UBE2QL1: variants seen among roughly 807,000 people sequenced by gnomAD.
UBE2QL1 encodes ubiquitin conjugating enzyme E2 QL1.
In UBE2QL1, 5 loss-of-function variants were observed where a neutral mutation model predicts 12.6. The ratio of observed to expected loss-of-function variants is 0.40; its 90% CI spans 0.21 to 0.83. The LOEUF is 0.83. UBE2QL1 is among the 40% of genes least tolerant of loss of function. The pLI, the probability that UBE2QL1 is intolerant of heterozygous loss-of-function variation, is 0.37. For missense variants in UBE2QL1, 99 were observed against 222.6 expected (o/e 0.44, Z 3.53); for synonymous variants, 96 against 94.5 (o/e 1.02, Z -0.10).
In UBE2QL1 at chr5:6,494,529, C is replaced by T. The variant is rs2126382225; in HGVS notation, c.*3180C>T. The T allele has an allele frequency of 6.6e-6, 1 of 152,302 alleles. No homozygotes were observed. The highest frequency in any genetic ancestry group is 2.4e-5 in the African/African-American group (1 of 41,566). The allele number at this position is 152,302 out of a possible 1,614,324, so 9.4% of individuals were successfully genotyped here. A position where few individuals can be genotyped will look rare whatever the true frequency, so the allele number is the denominator to read the frequency against. The stretch of plus-strand genomic sequence containing the variant: ...TGGCCAGTCACTCCACCTGCCTGAG[C>T]CTTGGTTTCCTCAGCTGTGAGCTCC... On this transcript the variant is annotated 3_prime_UTR_variant, in exon 2 of 2. Coordinates refer to ENST00000399816, the MANE Select transcript of UBE2QL1 (RefSeq NM_001145161.3).
In UBE2QL1 at chr5:6,453,694, AGTGCACACACAT is replaced by A. The variant is rs1739454746; in HGVS notation, c.354+4459_354+4470del. On this transcript the variant is annotated intron_variant, in intron 1 of 1. Coordinates refer to ENST00000399816, the MANE Select transcript of UBE2QL1 (RefSeq NM_001145161.3). ...CACCATGGTGTCACTGGGAAGCACA[AGTGCACACACAT>A]GTGCACACACACACACACACACACA... Among the ~76,000 whole-genome samples, 18 of 134,520 alleles carry A rather than the reference AGTGCACACACAT, an allele frequency of 1.3e-4. No individual in the cohort carries two copies. The South Asian group carries it at 4.4e-3, about 33-fold the overall frequency. The allele number at this position is 134,520 out of a possible 152,430, so 88.3% of individuals were successfully genotyped here.
rs184095622 is a variant in UBE2QL1 at position 6,470,052 on chromosome 5, C to T, written c.354+20805C>T. On this transcript the variant is annotated intron_variant, in intron 1 of 1. Transcript: ENST00000399816. ...GGCCGCAGTGTTCAGAGCCCAGTGG[C>T]GGCTCTGTTGTGTGGACCAACACTG... 4.4e-4 allele frequency among the ~76,000 whole-genome samples: 67 copies of T among 152,214 alleles called. 1 individual carries two copies. In the East Asian group the frequency reaches 0.013, roughly 29 times the overall value.
chr5:6,450,060 G>A (rs2126314999), intron 1 of UBE2QL1, among the ~76,000 whole-genome samples: 1 of 151,676 alleles, frequency 6.6e-6, no homozygotes, highest in Admixed American at 6.6e-5. Context: ...GTGTGGTTTG[G>A]GCATTCCCTT....
intron 1 of UBE2QL1, among the ~76,000 whole-genome samples, chr5:6,483,393 C>G (rs550565358): frequency 6.6e-6 from 1 of 151,748 alleles, no homozygotes; most frequent in East Asian, 1.9e-4. Flanking sequence ...GAGCCAAGAT[C>G]GTGCCACTGC....
chr5:6,450,822 A>G (rs1184165147), intron 1 of UBE2QL1, among the ~76,000 whole-genome samples: 1 of 152,230 alleles, frequency 6.6e-6, no homozygotes, highest in Non-Finnish European at 1.5e-5. Flanking sequence ...CAACTCTAGA[A>G]AAACATCTTC....
intron 1 of UBE2QL1, among the ~76,000 whole-genome samples, chr5:6,454,130 C>T (rs933694304): frequency 6.6e-6 from 1 of 152,162 alleles, no homozygotes; most frequent in Non-Finnish European, 1.5e-5. Context: ...AGTCCTCCCA[C>T]CTCGGCCTCC....
intron 1 of UBE2QL1, among the ~76,000 whole-genome samples, chr5:6,483,217 C>T (rs1560936032): frequency 6.6e-6 from 1 of 152,168 alleles, no homozygotes; most frequent in Non-Finnish European, 1.5e-5. Flanking sequence ...GGGTGGATCA[C>T]TCAAGGTCAG....
chr5:6,448,945 G>A lies in UBE2QL1; in HGVS notation c.52G>A (p.Glu18Lys). The A allele has an allele frequency of 6.5e-7, 1 of 1,548,102 alleles. No individual in the cohort carries two copies. The highest frequency in any genetic ancestry group is 8.7e-7 in the Non-Finnish European group (1 of 1,145,632). ...CCTTAGCGACCGCTTCATCTCCGTG[G>A]AGCTGGTGGACGAGAGCCTGTTCGA... ...ARLSDRFISV[E>K]LVDESLFDWN... Residue 18 changes from glutamate (E) to lysine (K), a missense_variant, in exon 1 of 2, where the codon GAG becomes AAG. Coordinates refer to ENST00000399816, the MANE Select transcript of UBE2QL1 (RefSeq NM_001145161.3).
chr5:6,459,556 C>T (rs371207412), intron 1 of UBE2QL1, among the ~76,000 whole-genome samples: 4 of 152,192 alleles, frequency 2.6e-5, no homozygotes, highest in African/African-American at 4.8e-5. Flanking sequence ...TAACGTCTTT[C>T]GTTGCACAAA....
chr5:6,471,800 T>C (rs1739918340), intron 1 of UBE2QL1, among the ~76,000 whole-genome samples: 1 of 152,222 alleles, frequency 6.6e-6, no homozygotes, highest in Non-Finnish European at 1.5e-5. Flanking sequence ...AGGATCTTGT[T>C]TTCATTGTAT....
In UBE2QL1 at chr5:6,481,023, A is replaced by C. The variant is rs1181753178; in HGVS notation, c.355-10195A>C. On this transcript the variant is annotated intron_variant, in intron 1 of 1. Coordinates refer to ENST00000399816, the MANE Select transcript of UBE2QL1 (RefSeq NM_001145161.3). This position sits in a 1 kb window ranked among gnomAD's most constrained non-coding sequence, Gnocchi z 4.5. ...TTTTCTTAATGTGTAAAGAGTGCTA[A>C]AAAATAAGGTCAATAGGAGTTTTTA... Among the ~76,000 whole-genome samples the C allele has an allele frequency of 6.6e-6, 1 of 152,154 alleles. No homozygotes were observed. The highest frequency in any genetic ancestry group is 2.4e-5 in the African/African-American group (1 of 41,436).
At chr5:6,475,984 T>C (rs1044121446) in intron 1 of UBE2QL1, among the ~76,000 whole-genome samples, 3 of 152,234 alleles carry the variant, frequency 2.0e-5, no homozygotes, top group African/African-American at 7.2e-5. Context: ...GAATGCTTTA[T>C]GAAATACACT....
intron 1 of UBE2QL1, among the ~76,000 whole-genome samples, chr5:6,466,273 G>A (rs1410921683): frequency 6.6e-6 from 1 of 152,208 alleles, no homozygotes; most frequent in Non-Finnish European, 1.5e-5. Flanking sequence ...GGAGCGAACT[G>A]CTCAGCACTC....
chr5:6,482,537 G>T (rs73038145), intron 1 of UBE2QL1, among the ~76,000 whole-genome samples: 1 of 150,486 alleles, frequency 6.6e-6, no homozygotes, highest in Non-Finnish European at 1.5e-5. Context: ...TCCTCCACTC[G>T]TCTGGGCCCC....
chr5:6,489,468 G>C (rs1220651566), intron 1 of UBE2QL1, among the ~76,000 whole-genome samples: 1 of 151,998 alleles, frequency 6.6e-6, no homozygotes, highest in Non-Finnish European at 1.5e-5. Context: ...AAAGGAAAAG[G>C]TTCTGCTGCC....
At chr5:6,464,811 G>A (rs189964167) in intron 1 of UBE2QL1, among the ~76,000 whole-genome samples, 56 of 152,222 alleles carry the variant, frequency 3.7e-4, no homozygotes, top group African/African-American at 1.3e-3. Flanking sequence ...TTTCTGCTCC[G>A]GGTATTTTAA....
chr5:6,491,445 C>T lies in UBE2QL1; in HGVS notation c.*96C>T. 1 of 1,424,332 alleles carries T rather than the reference C, an allele frequency of 7.0e-7. No homozygotes were observed. The highest frequency in any genetic ancestry group is 1.4e-5 in the African/African-American group (1 of 69,372). 88.2% of individuals were successfully genotyped at this position (1,424,332 alleles called of 1,614,324 possible). A position where few individuals can be genotyped will look rare whatever the true frequency, so the allele number is the denominator to read the frequency against. On this transcript the variant is annotated 3_prime_UTR_variant, in exon 2 of 2. Coordinates refer to ENST00000399816, the MANE Select transcript of UBE2QL1 (RefSeq NM_001145161.3). The stretch of plus-strand genomic sequence containing the variant: ...GCTGTGCATCCTCCACCCGTTTTTA[C>T]TCCAGCCAGAACTGCATCCTGAATG...
chr5:6,451,477 A>C (rs185876147), intron 1 of UBE2QL1, among the ~76,000 whole-genome samples: 175 of 152,340 alleles, frequency 1.1e-3, no homozygotes, highest in African/African-American at 4.1e-3. Context: ...TATTGAAAGT[A>C]ATTATCAACT....
chr5:6,468,936 T>C lies in UBE2QL1; in HGVS notation c.354+19689T>C, dbSNP rs538531144. On this transcript the variant is annotated intron_variant, in intron 1 of 1. Transcript: ENST00000399816. ...AAATTCATTAAAATATCCTCAATTATCACCACCGGTCTGCCACAAGACTTG... is the reference window on the plus strand; with the variant it reads ...AAATTCATTAAAATATCCTCAATTACCACCACCGGTCTGCCACAAGACTTG... Among the ~76,000 whole-genome samples, 56 of 152,298 alleles carry C rather than the reference T, an allele frequency of 3.7e-4. No homozygotes were observed. The South Asian group carries it at 0.011, about 30-fold the overall frequency.
Sources: allele counts gnomAD v4.1 joint callset (sites outside exome capture counted in the v4.1 genomes callset), GRCh38; gene constraint gnomAD v4.1.1; non-coding constraint Gnocchi (gnomAD v3.1); transcripts MANE v1.5; gene names NCBI Gene and HGNC (gene_info 2026-07-23, HGNC 2026-07-21).